The following HERC6 variants were observed in gnomAD, a reference collection of about 807,000 sequenced individuals.
HERC6 encodes the protein HECT and RLD domain containing E3 ubiquitin protein ligase family member 6, also known as probable E3 ubiquitin-protein ligase HERC6.
Under a neutral mutation model 114.5 loss-of-function variants are expected in HERC6, and 101 were observed. That is an observed-to-expected ratio of 0.88 (90% CI 0.75 to 1.04). The LOEUF (loss-of-function observed/expected upper bound fraction) is 1.04. Ranked by LOEUF, HERC6 falls within the 50% of genes least tolerant of loss-of-function variation. The probability of loss-of-function intolerance (pLI) is 0.00; values close to 1 mark genes in which losing one functional copy is unlikely to be tolerated. For missense variants in HERC6, 1,133 were observed against 1,230.9 expected (o/e 0.92, Z 1.19); for synonymous variants, 408 against 436.2 (o/e 0.94, Z 0.81).
intron 16 of HERC6, among the ~76,000 whole-genome samples, chr4:88,430,464 G>C (rs1738072384): frequency 1.3e-5 from 2 of 151,952 alleles, no homozygotes; most frequent in South Asian, 4.1e-4. Context: ...CAGCTACTCG[G>C]GAGGCTGAGG....
chr4:88,423,918 A>T lies in HERC6; in HGVS notation c.1772A>T (p.Asn591Ile). 4 of 1,577,172 alleles carry T rather than the reference A, an allele frequency of 2.5e-6. No individual in the cohort carries two copies. Among genetic ancestry groups the T allele is most frequent in the Non-Finnish European group, 3.4e-6 (4 of 1,163,882 alleles). Residue 591 changes from asparagine (N) to isoleucine (I), a missense_variant, in exon 14 of 23, where the codon AAC becomes ATC. Asn to Ile is a moderately radical substitution (Grantham distance 149). This residue lies in a region of HERC6 where 735 missense variants were observed against 754.0 expected (regional missense o/e 0.97). Transcript: ENST00000264346. Reference protein sequence around the residue: ...ENTFNINELSNLLNFYIDRGR... With the variant: ...ENTFNINELSILLNFYIDRGR... ...ACTTTCAACATAAATGAACTCTCCAACTTATTAAACTTTTATATAGATAGA... is the reference window on the plus strand; with the variant it reads ...ACTTTCAACATAAATGAACTCTCCATCTTATTAAACTTTTATATAGATAGA...
intron 1 of HERC6, among the ~76,000 whole-genome samples, chr4:88,380,447 G>A (rs1226562570): frequency 1.3e-4 from 17 of 126,298 alleles, no homozygotes; most frequent in Non-Finnish European, 2.2e-4. Context: ...GGCCGGACGC[G>A]GTGGCTTACG....
intron 11 of HERC6, among the ~76,000 whole-genome samples, chr4:88,412,164 T>A (rs1736142136): frequency 6.6e-6 from 1 of 152,160 alleles, no homozygotes; most frequent in Non-Finnish European, 1.5e-5. Context: ...AAAAATTACC[T>A]TACAGGATTA....
chr4:88,398,209 G>T lies in HERC6; in HGVS notation c.1092G>T (p.Gln364His). The stretch of plus-strand genomic sequence containing the variant: ...ATGCCAACTTTGTGACAACTCATCA[G>T]GTATCTATTATACTTTTTGTTCCTC... Reference protein sequence around the residue: ...GTYANFVTTHQDTSSTRAPGK... With the variant: ...GTYANFVTTHHDTSSTRAPGK... Residue 364 changes from glutamine to histidine, a missense_variant and splice_region_variant, in exon 8 of 23, where the codon CAG (glutamine) becomes CAT (histidine). By Grantham distance (24) the Gln-to-His change is conservative. This residue lies in a region of HERC6 where 735 missense variants were observed against 754.0 expected (regional missense o/e 0.97). Coordinates refer to ENST00000264346, the MANE Select transcript of HERC6 (RefSeq NM_017912.4). The T allele has an allele frequency of 6.4e-7, 1 of 1,566,714 alleles. No individual in the cohort carries two copies. The highest frequency in any genetic ancestry group is 2.3e-5 in the East Asian group (1 of 43,792).
intron 9 of HERC6, 114 bp downstream of exon 9, chr4:88,405,111 G>T: frequency 7.6e-7 from 1 of 1,319,446 alleles, no homozygotes; most frequent in Non-Finnish European, 1.0e-6. Context: ...TTTTGACCAT[G>T]ATTCTCTTCT....
At chr4:88,394,142 C>T (rs916429728) in intron 5 of HERC6, among the ~76,000 whole-genome samples, 1 of 152,018 alleles carries the variant, frequency 6.6e-6, no homozygotes, top group Non-Finnish European at 1.5e-5. Context: ...ATAACAAAAG[C>T]TAATTTCAGC....
chr4:88,397,010 A>G (rs1214947663), intron 7 of HERC6, 23 bp downstream of exon 7: 2 of 1,599,676 alleles, frequency 1.3e-6, no homozygotes, highest in Non-Finnish European at 1.7e-6. Context: ...CTAATTCATG[A>G]TTTTGTGTTC....
intron 1 of HERC6, 100 bp downstream of exon 1, chr4:88,379,220 C>A: frequency 9.9e-7 from 1 of 1,007,858 alleles, no homozygotes; most frequent in Non-Finnish European, 1.4e-6. Context: ...GCGCTGGGAC[C>A]CGGGTGAGGG....
chr4:88,417,911 A>T (rs1398625812), intron 13 of HERC6, among the ~76,000 whole-genome samples: 1 of 151,412 alleles, frequency 6.6e-6, no homozygotes, highest in Non-Finnish European at 1.5e-5. Context: ...GTGCCACTGT[A>T]CCCCAGCCTG....
intron 8 of HERC6, among the ~76,000 whole-genome samples, chr4:88,400,113 A>G (rs768769086): frequency 7.2e-5 from 11 of 152,234 alleles, no homozygotes; most frequent in Admixed American, 6.5e-5. Flanking sequence ...CCCATCTGAA[A>G]TGTGCTTGGA....
In HERC6 at chr4:88,396,008, T is replaced by C; in HGVS notation, c.760-7T>C. ...GAAATTAATTTGATTCTTCCTTTGC[T>C]AAGCAGGACGGGAAAGTGTTCACAT... On this transcript the variant is annotated splice_polypyrimidine_tract_variant and splice_region_variant and intron_variant, in intron 5 of 22. Coordinates refer to ENST00000264346, the MANE Select transcript of HERC6 (RefSeq NM_017912.4). 6.3e-7 allele frequency: 1 copy of C among 1,576,886 alleles called. No individual in the cohort carries two copies. The highest frequency in any genetic ancestry group is 8.6e-7 in the Non-Finnish European group (1 of 1,163,584).
chr4:88,394,268 TTC>T (rs1318838035), intron 5 of HERC6, among the ~76,000 whole-genome samples: 3 of 150,700 alleles, frequency 2.0e-5, no homozygotes, highest in Non-Finnish European at 4.4e-5. Context: ...AGGTCAGGAG[TTC>T]AAGACCAGCC....
chr4:88,390,014 T>TA (rs1560535465), intron 3 of HERC6, among the ~76,000 whole-genome samples: 1 of 151,514 alleles, frequency 6.6e-6, no homozygotes, highest in African/African-American at 2.4e-5. Flanking sequence ...CCATCTCTAC[T>TA]AAAAAAGCAC....
chr4:88,399,445 G>T (rs527590993), intron 8 of HERC6: 1 of 152,142 alleles, frequency 6.6e-6, no homozygotes, highest in Non-Finnish European at 1.5e-5. Context: ...AGGCAGGGCC[G>T]GACCATAAAT....
intron 8 of HERC6, among the ~76,000 whole-genome samples, chr4:88,404,264 C>T (rs1735699164): frequency 6.8e-6 from 1 of 146,348 alleles, no homozygotes; most frequent in Non-Finnish European, 1.5e-5. Flanking sequence ...ATGATCTTGT[C>T]TCACTGCAAC....
Position 88,442,520 on chromosome 4 carries a change from C to A in HERC6, c.*60C>A. ...ACTTGGATCCTTCTGTTCTTCCTTA[C>A]ACCTAAATAATACAAGAGATTAATG... On this transcript the variant is annotated 3_prime_UTR_variant, in exon 23 of 23. Coordinates refer to ENST00000264346, the MANE Select transcript of HERC6 (RefSeq NM_017912.4). 2.5e-6 allele frequency: 3 copies of A among 1,191,006 alleles called. No homozygotes were observed. The highest frequency in any genetic ancestry group is 3.7e-6 in the Non-Finnish European group (3 of 812,064). 73.8% of individuals were successfully genotyped at this position (1,191,006 alleles called of 1,614,324 possible).
In HERC6 at chr4:88,413,259, A is replaced by T; in HGVS notation, c.1551A>T (p.Gln517His). 6.2e-7 allele frequency: 1 copy of T among 1,610,910 alleles called. No individual in the cohort carries two copies. Among genetic ancestry groups the T allele is most frequent in the Non-Finnish European group, 8.5e-7 (1 of 1,178,570 alleles). Residue 517 changes from glutamine to histidine, a missense_variant, in exon 12 of 23, where the codon CAA (glutamine) becomes CAT (histidine). By Grantham distance (24) the Gln-to-His change is conservative. Coordinates refer to ENST00000264346, the MANE Select transcript of HERC6 (RefSeq NM_017912.4). ...GTGAAATGAGTAAACAATCTTTGCA[A>T]GTCCTAAGTAAGTTTTATGTCACTT... ...AVCEMSKQSLQVLKKCWAFLQ... is the reference protein window; with the variant it reads ...AVCEMSKQSLHVLKKCWAFLQ...
intron 18 of HERC6, 52 bp from the exon 19 acceptor site, chr4:88,436,853 G>A: frequency 1.6e-6 from 2 of 1,276,562 alleles, no homozygotes; most frequent in Admixed American, 2.0e-5. Context: ...AATTACTTGT[G>A]AAACTTTATA....
intron 10 of HERC6, 120 bp from the exon 11 acceptor site, chr4:88,408,404 G>A (rs1206022935): frequency 4.8e-5 from 33 of 691,876 alleles, no homozygotes; most frequent in Non-Finnish European, 5.2e-6. Flanking sequence ...TTTGAAAGGA[G>A]GTAAGCTTTA....
Sources: allele counts gnomAD v4.1 joint callset (sites outside exome capture counted in the v4.1 genomes callset), GRCh38; gene constraint gnomAD v4.1.1; regional missense constraint gnomAD v4.1.1; transcripts MANE v1.5; gene names NCBI Gene and HGNC (gene_info 2026-07-23, HGNC 2026-07-21).